The following CNBD1 variants were observed in gnomAD, a reference collection of about 807,000 sequenced individuals.
CNBD1 encodes cyclic nucleotide binding domain containing 1.
CNBD1 carries 71 observed loss-of-function variants against 54.4 expected under a neutral mutation model. That is an observed-to-expected ratio of 1.30 (90% confidence interval 1.08 to 1.59). The LOEUF is 1.59. Ranked by LOEUF, CNBD1 falls within the 40% of genes most tolerant of loss-of-function variation. CNBD1 has a pLI of 0.00. For missense variants in CNBD1, 659 were observed against 518.0 expected, an observed-to-expected ratio of 1.27 and a Z score of -2.64; for synonymous variants, 182 against 170.7, an observed-to-expected ratio of 1.07 and a Z score of -0.51.
At chr8:86,933,084 A>G (rs144238195) in intron 3 of CNBD1, among the ~76,000 whole-genome samples, 3 of 152,268 alleles carry the variant, frequency 2.0e-5, no homozygotes, top group Non-Finnish European at 4.4e-5. Context: ...GAGGGAAGGG[A>G]TCTCCAGCAT....
chr8:87,420,802 T>C (rs577897794), intron 2 of CNBD1, among the ~76,000 whole-genome samples: 5 of 152,024 alleles, frequency 3.3e-5, no homozygotes, highest in South Asian at 2.1e-4. Context: ...GTCGTTGGTA[T>C]ATTTATTTGA....
intron 3 of CNBD1, among the ~76,000 whole-genome samples, chr8:86,918,761 C>T (rs1232442396): frequency 6.8e-6 from 1 of 147,982 alleles, no homozygotes; most frequent in Admixed American, 6.8e-5. Context: ...TCTTTATCTG[C>T]AGTGTGAAAA....
chr8:86,964,958 C>G (rs537460210), intron 4 of CNBD1, among the ~76,000 whole-genome samples: 21 of 152,282 alleles, frequency 1.4e-4, no homozygotes, highest in African/African-American at 4.8e-4. Flanking sequence ...TATGGAAAAG[C>G]TTTCTTCTTG....
intron 6 of CNBD1, among the ~76,000 whole-genome samples, chr8:87,273,414 G>A (rs1481675550): frequency 6.6e-6 from 1 of 151,910 alleles, no homozygotes; most frequent in Non-Finnish European, 1.5e-5. Flanking sequence ...ACAGAAAAGG[G>A]AGACTGTTGT....
chr8:87,222,984 T>C (rs1290776239), intron 5 of CNBD1, among the ~76,000 whole-genome samples: 1 of 151,774 alleles, frequency 6.6e-6, no homozygotes, highest in East Asian at 1.9e-4. Context: ...GATAAATTAC[T>C]TTTGCAAAGT....
chr8:87,321,590 A>C (rs905014797), intron 8 of CNBD1, among the ~76,000 whole-genome samples: 10 of 152,132 alleles, frequency 6.6e-5, no homozygotes, highest in Admixed American at 6.6e-4. Context: ...TTTGAATATT[A>C]ACCATTTATC....
chr8:87,183,631 T>C (rs1813410847), intron 4 of CNBD1, among the ~76,000 whole-genome samples: 1 of 152,198 alleles, frequency 6.6e-6, no homozygotes, highest in African/African-American at 2.4e-5. Flanking sequence ...CCAGAATTCT[T>C]GTACTAGTTC....
chr8:86,927,394 T>A (rs996775783), intron 3 of CNBD1, among the ~76,000 whole-genome samples: 16 of 152,048 alleles, frequency 1.1e-4, no homozygotes, highest in Non-Finnish European at 1.5e-5. Flanking sequence ...CCAGACTGTT[T>A]GTTAAACAGG....
chr8:87,209,645 G>A (rs903595662), intron 5 of CNBD1, among the ~76,000 whole-genome samples: 1 of 151,980 alleles, frequency 6.6e-6, no homozygotes, highest in African/African-American at 2.4e-5. Context: ...AAAATTCCAG[G>A]ACATTTTTCA....
chr8:87,084,532 T>G (rs1811060397), intron 4 of CNBD1, among the ~76,000 whole-genome samples: 1 of 152,216 alleles, frequency 6.6e-6, no homozygotes, highest in Non-Finnish European at 1.5e-5. Flanking sequence ...TTGCATAATT[T>G]TTGATGAAAA....
chr8:87,123,731 G>A (rs770607068), intron 4 of CNBD1, among the ~76,000 whole-genome samples: 14 of 151,688 alleles, frequency 9.2e-5, no homozygotes, highest in Middle Eastern at 6.8e-3. Flanking sequence ...TGAAGAGTTG[G>A]TTTTTTGAAA....
chr8:87,144,277 A>G lies in CNBD1; in HGVS notation c.432-61716A>G, dbSNP rs965743158. Among the ~76,000 whole-genome samples the G allele has an allele frequency of 5.9e-5, 9 of 152,192 alleles. 1 individual carries two copies. Among genetic ancestry groups the G allele is most frequent in the Admixed American group, 5.9e-4 (9 of 15,264 alleles). ...ACATCTTTCATTTGGTTCCAAACCA[A>G]TCTCACAGATTATATTTTAAAATGA... On this transcript the variant is annotated intron_variant, in intron 4 of 10. Transcript: ENST00000518476.
chr8:87,390,193 G>A (rs1181636379), intron 2 of CNBD1, among the ~76,000 whole-genome samples: 1 of 152,040 alleles, frequency 6.6e-6, no homozygotes, highest in Non-Finnish European at 1.5e-5. Context: ...CATGGGCAAG[G>A]ACTTCATGTC....
chr8:87,362,507 A>T (rs141703673), intron 10 of CNBD1, among the ~76,000 whole-genome samples: 1,773 of 152,212 alleles, frequency 0.012, 131 homozygotes, highest in Admixed American at 0.11. Context: ...CTTTGCAGTA[A>T]ACTTAGCTAT....
chr8:87,078,096 T>C (rs559213618), intron 4 of CNBD1, among the ~76,000 whole-genome samples: 2 of 152,224 alleles, frequency 1.3e-5, no homozygotes, highest in East Asian at 3.9e-4. Context: ...ACACAAACCT[T>C]CAGTCTATTG....
Position 86,988,809 on chromosome 8 carries a change from T to C in CNBD1, c.431+49055T>C, listed in dbSNP as rs975523549. ...TCTGTGCCTGGCTTATTTCACTTAA[T>C]ATAATGACTTCCAGTTCCATCCAAG... On this transcript the variant is annotated intron_variant, in intron 4 of 10. Coordinates refer to ENST00000518476, the MANE Select transcript of CNBD1 (RefSeq NM_173538.3). Among the ~76,000 whole-genome samples, 10 of 152,288 alleles carry C rather than the reference T, an allele frequency of 6.6e-5. No individual in the cohort carries two copies. In the East Asian group the frequency reaches 1.7e-3, roughly 26 times the overall value.
At chr8:87,367,909 C>A (rs764889899) in intron 10 of CNBD1, among the ~76,000 whole-genome samples, 15 of 152,144 alleles carry the variant, frequency 9.9e-5, no homozygotes, top group Non-Finnish European at 1.9e-4. Context: ...TGGTGGCTTA[C>A]GCCTATAATT....
At chr8:87,234,325 A>C (rs774111485) in intron 5 of CNBD1, among the ~76,000 whole-genome samples, 89 of 152,200 alleles carry the variant, frequency 5.8e-4, no homozygotes, top group Non-Finnish European at 1.0e-3. Flanking sequence ...TGTCCAGTTT[A>C]CTTTGCCCAG....
At chr8:87,367,173 T>G (rs1262875311) in intron 10 of CNBD1, among the ~76,000 whole-genome samples, 3 of 152,088 alleles carry the variant, frequency 2.0e-5, no homozygotes, top group African/African-American at 7.2e-5. Flanking sequence ...CCTATATTCT[T>G]TGTCCTGACA....
Sources: gnomAD v4.1 joint callset for allele counts (sites outside exome capture counted in the v4.1 genomes callset) on GRCh38, gnomAD v4.1.1 for gene constraint, MANE v1.5 for transcripts, NCBI Gene and HGNC (gene_info 2026-07-23, HGNC 2026-07-21) for gene names.